PTPRT: variants seen among roughly 807,000 people sequenced by gnomAD.
The protein encoded by PTPRT is protein tyrosine phosphatase receptor type T.
Under a neutral mutation model 176.8 loss-of-function variants are expected in PTPRT, and 56 were observed. That is an observed-to-expected ratio of 0.32 (90% CI 0.26 to 0.40). PTPRT has a LOEUF of 0.40. Ranked by LOEUF, PTPRT falls within the 10% of genes least tolerant of loss-of-function variation. PTPRT has a pLI of 1.00. For missense variants in PTPRT, 1,540 were observed against 1,908.2 expected, an observed-to-expected ratio of 0.81 and a Z score of 3.60; for synonymous variants, 783 against 739.0, an observed-to-expected ratio of 1.06 and a Z score of -0.96.
At chr20:43,026,060 C>T (rs1024842491) in intron 1 of PTPRT, among the ~76,000 whole-genome samples, 2 of 152,092 alleles carry the variant, frequency 1.3e-5, no homozygotes, top group Admixed American at 1.3e-4. Flanking sequence ...AATTCATATG[C>T]TAAATCCTTA....
Position 43,189,335 on chromosome 20 carries a change from T to A in PTPRT, c.88+311A>T, listed in dbSNP as rs944688195. On this transcript the variant is annotated intron_variant, in intron 1 of 30. Coordinates refer to ENST00000373187, the MANE Select transcript of PTPRT (RefSeq NM_007050.6). The surrounding 1 kb of genome is among the most constrained non-coding windows in gnomAD (Gnocchi z 5.0). ...CACTCAAGTGGCAGATTCCGACAAG[T>A]GGGAGGCAGCAAGTGGAAATATTCG... Among the ~76,000 whole-genome samples, 1 of 151,840 alleles carries A rather than the reference T, an allele frequency of 6.6e-6. No homozygotes were observed. Among genetic ancestry groups the A allele is most frequent in the Non-Finnish European group, 1.5e-5 (1 of 67,948 alleles).
At chr20:42,546,529 C>T (rs2072677951) in intron 7 of PTPRT, among the ~76,000 whole-genome samples, 1 of 151,978 alleles carries the variant, frequency 6.6e-6, no homozygotes, top group Non-Finnish European at 1.5e-5. Flanking sequence ...CCTTCTCAGG[C>T]CATATTTAAT....
chr20:42,975,526 A>C (rs1175837319), intron 1 of PTPRT, among the ~76,000 whole-genome samples: 1 of 152,222 alleles, frequency 6.6e-6, no homozygotes, highest in African/African-American at 2.4e-5. Flanking sequence ...ATTTTAAAAA[A>C]TCATCTAAAC....
intron 12 of PTPRT, among the ~76,000 whole-genome samples, chr20:42,312,416 G>A (rs1250509807): frequency 1.3e-5 from 2 of 152,174 alleles, no homozygotes; most frequent in Admixed American, 6.5e-5. Flanking sequence ...GAGGGACCAG[G>A]CAGAGATTTG....
chr20:43,023,351 G>T (rs902511798), intron 1 of PTPRT, among the ~76,000 whole-genome samples: 1 of 152,154 alleles, frequency 6.6e-6, no homozygotes, highest in African/African-American at 2.4e-5. Flanking sequence ...ATGCTGTTCT[G>T]GCACTGGCTG....
At chr20:42,425,906 T>A (rs1012840933) in intron 9 of PTPRT, among the ~76,000 whole-genome samples, 5 of 152,072 alleles carry the variant, frequency 3.3e-5, no homozygotes, top group African/African-American at 1.2e-4. Context: ...AAAGAGGAGC[T>A]TCTGGAAGGG....
chr20:42,835,235 A>G (rs1418078565), intron 2 of PTPRT, among the ~76,000 whole-genome samples: 2 of 152,228 alleles, frequency 1.3e-5, no homozygotes, highest in Non-Finnish European at 2.9e-5. Context: ...AGACACAAGG[A>G]GATGAGATTA....
At chr20:42,879,851 G>C (rs2145848616) in intron 2 of PTPRT, among the ~76,000 whole-genome samples, 1 of 152,242 alleles carries the variant, frequency 6.6e-6, no homozygotes, top group South Asian at 2.1e-4. Context: ...TAAGCTTTTT[G>C]TATTTTTCTG....
chr20:42,638,065 G>A (rs1194123026), intron 7 of PTPRT, among the ~76,000 whole-genome samples: 1 of 152,124 alleles, frequency 6.6e-6, no homozygotes, highest in Non-Finnish European at 1.5e-5. Flanking sequence ...ATCAGTCACA[G>A]TAGGAATATT....
At chr20:42,247,424 T>G (rs190799135) in intron 14 of PTPRT, among the ~76,000 whole-genome samples, 1 of 152,196 alleles carries the variant, frequency 6.6e-6, no homozygotes, top group Non-Finnish European at 1.5e-5. Flanking sequence ...AAATTCTTCA[T>G]TTTATATTCA....
At position 42,527,037 on chromosome 20, in the gene PTPRT, C is replaced by T. The variant is rs372669670; in HGVS notation, c.1154-54475G>A. Among the ~76,000 whole-genome samples the T allele has an allele frequency of 3.2e-3, 455 of 141,790 alleles. 21 individuals carry two copies. The South Asian group carries it at 0.099, about 31-fold the overall frequency. 93.0% of individuals were successfully genotyped at this position (141,790 alleles called of 152,430 possible). ...GGAGTGCAGTGGCACGATCTCAGCT[C>T]ACTGCAAGCTCCTCCTCCCGGGTTC... is the stretch of plus-strand genomic sequence containing the variant. On this transcript the variant is annotated intron_variant, in intron 7 of 30. Transcript: ENST00000373187.
At chr20:42,201,842 C>G (rs1329380283) in intron 15 of PTPRT, among the ~76,000 whole-genome samples, 3 of 151,130 alleles carry the variant, frequency 2.0e-5, no homozygotes, top group Non-Finnish European at 4.4e-5. Flanking sequence ...GGCAAGTGAT[C>G]TTTTTGACAG....
At chr20:42,265,850 C>T (rs2056830601) in intron 13 of PTPRT, among the ~76,000 whole-genome samples, 1 of 152,192 alleles carries the variant, frequency 6.6e-6, no homozygotes, top group Non-Finnish European at 1.5e-5. Flanking sequence ...CAAACTCCTT[C>T]TGCCTGGGTC....
intron 15 of PTPRT, among the ~76,000 whole-genome samples, chr20:42,229,627 G>T (rs988681139): frequency 6.6e-6 from 1 of 152,124 alleles, no homozygotes; most frequent in African/African-American, 2.4e-5. Context: ...TTTTGGTGAG[G>T]CCCTACTATG....
intron 22 of PTPRT, among the ~76,000 whole-genome samples, chr20:42,112,077 T>C (rs1314984028): frequency 6.6e-6 from 1 of 152,204 alleles, no homozygotes; most frequent in Non-Finnish European, 1.5e-5. Context: ...CTTTGGACTT[T>C]ATCTCAAAGG....
intron 9 of PTPRT, among the ~76,000 whole-genome samples, chr20:42,372,067 G>C (rs1330543161): frequency 6.6e-6 from 1 of 152,110 alleles, no homozygotes; most frequent in East Asian, 1.9e-4. Flanking sequence ...CCTGTATCAA[G>C]AGACTCCAAA....
chr20:43,021,852 T>C (rs369647737), intron 1 of PTPRT, among the ~76,000 whole-genome samples: 102 of 150,730 alleles, frequency 6.8e-4, no homozygotes, highest in African/African-American at 2.4e-3. Flanking sequence ...CAAGGGTGTA[T>C]GGTTGTCAGG....
intron 2 of PTPRT, among the ~76,000 whole-genome samples, chr20:42,859,303 G>A (rs6103073): frequency 6.6e-6 from 1 of 152,038 alleles, no homozygotes; most frequent in Admixed American, 6.5e-5. Context: ...CCATGTCATA[G>A]GTCACACACC....
At chr20:43,070,747 T>C (rs953972321) in intron 1 of PTPRT, among the ~76,000 whole-genome samples, 1 of 151,892 alleles carries the variant, frequency 6.6e-6, no homozygotes. Context: ...ACACTGCATG[T>C]TCTCACTCAT....
Sources: allele counts gnomAD v4.1 joint callset (sites outside exome capture counted in the v4.1 genomes callset), GRCh38; gene constraint gnomAD v4.1.1; non-coding constraint Gnocchi (gnomAD v3.1); transcripts MANE v1.5; gene names NCBI Gene and HGNC (gene_info 2026-07-23, HGNC 2026-07-21).